The following STEEP1 variants were observed in gnomAD, a reference collection of about 807,000 sequenced individuals.
STEEP1 encodes the protein STING1 ER exit protein 1.
In STEEP1, 3 loss-of-function variants were observed where a neutral mutation model predicts 19.2. The observed-to-expected ratio is 0.16, with a 90% CI of 0.07 to 0.40. The LOEUF is 0.40. Ranked by LOEUF, STEEP1 falls within the 10% of genes least tolerant of loss-of-function variation. STEEP1 has a pLI of 0.99. For synonymous variants in STEEP1, 46 were observed against 63.7 expected, an observed-to-expected ratio of 0.72 and a Z score of 1.32; for missense variants, 54 against 177.1, an observed-to-expected ratio of 0.30 and a Z score of 3.94.
intron 3 of STEEP1, 105 bp downstream of exon 3, chrX:119,545,352 CAAAAAA>C: frequency 2.7e-6 from 1 of 372,863 alleles, no homozygotes. Flanking sequence ...GACTCTGTCT[CAAAAAA>C]AAAAAAAAAG....
rs2053187877 is a variant in STEEP1 at position 119,544,552 on chromosome X, T to A, written c.285-61A>T. The stretch of plus-strand genomic sequence containing the variant: ...AATCCAAATTCCCAAAACAGCAATT[T>A]GCAAAGTGTGCTTAGACTCTGGGAA... On this transcript the variant is annotated intron_variant, in intron 3 of 6. Transcript: ENST00000644802. 7.4e-6 allele frequency: 8 copies of A among 1,075,062 alleles called. 1 individual carries two copies. In the South Asian group the frequency reaches 1.6e-4, roughly 21 times the overall value. 88.6% of individuals were successfully genotyped at this position (1,075,062 alleles called of 1,213,427 possible). A position where few individuals can be genotyped will look rare whatever the true frequency, so the allele number is the denominator to read the frequency against.
intron 4 of STEEP1, among the ~76,000 whole-genome samples, chrX:119,544,001 A>T (rs914930793): frequency 3.6e-5 from 4 of 111,253 alleles, no homozygotes; most frequent in African/African-American, 1.3e-4. Flanking sequence ...TATACACAAA[A>T]ATGGCACCCG....
intron 2 of STEEP1, among the ~76,000 whole-genome samples, chrX:119,551,999 C>G (rs141779385): frequency 0.045 from 4,807 of 107,876 alleles, 96 homozygotes; most frequent in South Asian, 0.096. Context: ...CTCCCAGGTT[C>G]AAGCGATTCT....
chrX:119,540,677 T>G (rs771348693), intron 6 of STEEP1, among the ~76,000 whole-genome samples: 1 of 112,587 alleles, frequency 8.9e-6, no homozygotes, highest in African/African-American at 3.2e-5. Flanking sequence ...CCCTATCATG[T>G]GCCATTACAT....
At chrX:119,556,436 A>T (rs902468940) in intron 2 of STEEP1, among the ~76,000 whole-genome samples, 1 of 110,264 alleles carries the variant, frequency 9.1e-6, no homozygotes, top group Admixed American at 9.8e-5. Context: ...ACAAAAAATT[A>T]GCCGGGCGTG....
At chrX:119,542,055 C>CTTTTTTTTTTTTTTTTTTTTTTTTTTTT (rs201339708) in intron 5 of STEEP1, among the ~76,000 whole-genome samples, 2 of 82,908 alleles carry the variant, frequency 2.4e-5, no homozygotes, top group African/African-American at 4.9e-5. Context: ...CTTTTCTTTT[C>CTTTTTTTTTTTTTTTTTTTTTTTTTTTT]TTTTTTTTTT....
At chrX:119,555,822 G>A (rs1168945039) in intron 2 of STEEP1, among the ~76,000 whole-genome samples, 10 of 111,189 alleles carry the variant, frequency 9.0e-5, no homozygotes, top group Admixed American at 7.7e-4. Flanking sequence ...GGATGGTGGG[G>A]ACAGATGAGA....
intron 2 of STEEP1, among the ~76,000 whole-genome samples, chrX:119,557,478 C>CAAAAA (rs55913451): frequency 2.9e-5 from 2 of 68,966 alleles, no homozygotes; most frequent in Non-Finnish European, 5.1e-5. Context: ...CACACCATCT[C>CAAAAA]AAAAAAAAAA....
chrX:119,565,326 G>A lies in STEEP1; in HGVS notation c.30C>T (p.Val10=). 1.9e-5 allele frequency: 23 copies of A among 1,208,082 alleles called. No homozygotes were observed. The highest frequency in any genetic ancestry group is 2.6e-5 in the Non-Finnish European group (23 of 892,751). MPKVVSRSV[V]CSDTRDREEY... ...CCTCCCGGTCCCGAGTGTCAGAGCAGACTACTGACCGAGACACTACTTTCG... is the reference window on the plus strand; with the variant it reads ...CCTCCCGGTCCCGAGTGTCAGAGCAAACTACTGACCGAGACACTACTTTCG... Residue 10 remains valine, a synonymous_variant, in exon 1 of 7, where the codon GTC becomes GTT. Transcript: ENST00000644802.
intron 2 of STEEP1, among the ~76,000 whole-genome samples, chrX:119,546,263 A>C (rs953113441): frequency 9.1e-6 from 1 of 109,466 alleles, no homozygotes; most frequent in African/African-American, 3.3e-5. Flanking sequence ...CAACATGGGG[A>C]AACTCCGTCT....
chrX:119,548,029 G>A (rs1395999573), intron 2 of STEEP1, among the ~76,000 whole-genome samples: 1 of 109,671 alleles, frequency 9.1e-6, no homozygotes, highest in Non-Finnish European at 1.9e-5. Flanking sequence ...AAAATTAGCT[G>A]GGTGTTGTGA....
At chrX:119,553,832 TAATCTTCAAGTACC>T (rs2053260773) in intron 2 of STEEP1, among the ~76,000 whole-genome samples, 1 of 111,969 alleles carries the variant, frequency 8.9e-6, no homozygotes, top group South Asian at 3.7e-4. Context: ...CTCAATGAGT[TAATCTTCAAGTACC>T]AATGACAAAC....
Position 119,542,997 on chromosome X carries a change from C to CAAAAAAAAAA in STEEP1, c.424-413_424-404dup, listed in dbSNP as rs60574433. On this transcript the variant is annotated intron_variant, in intron 4 of 6. Transcript: ENST00000644802. ...ACATTTTTGTAGAGACTGGGTCTCG[C>CAAAAAAAAAA]AAAAAAAAAAAAAAAAAAAAAAAAA... Among the ~76,000 whole-genome samples, 185 of 47,895 alleles carry CAAAAAAAAAA rather than the reference C, an allele frequency of 3.9e-3. 1 individual carries two copies. Among genetic ancestry groups the CAAAAAAAAAA allele is most frequent in the Non-Finnish European group, 5.7e-3 (158 of 27,512 alleles). 41.6% of individuals were successfully genotyped at this position (47,895 alleles called of 115,157 possible).
chrX:119,556,622 G>A (rs921211963), intron 2 of STEEP1, among the ~76,000 whole-genome samples: 9 of 108,539 alleles, frequency 8.3e-5, no homozygotes, highest in Non-Finnish European at 1.5e-4. Flanking sequence ...GGTGCTGAGC[G>A]AATCGATCTG....
intron 2 of STEEP1, among the ~76,000 whole-genome samples, chrX:119,551,900 C>CT (rs58576371): frequency 7.8e-4 from 71 of 91,455 alleles, no homozygotes; most frequent in Admixed American, 3.6e-3. Flanking sequence ...GCTTCCAAAA[C>CT]TTTTTTTTTT....
intron 4 of STEEP1, among the ~76,000 whole-genome samples, chrX:119,543,401 G>A (rs905934803): frequency 5.7e-5 from 6 of 104,882 alleles, no homozygotes; most frequent in Non-Finnish European, 1.2e-4. Flanking sequence ...TTGTCGGGCC[G>A]GTCTCGAACT....
intron 1 of STEEP1, among the ~76,000 whole-genome samples, chrX:119,564,885 C>T (rs1308309052): frequency 9.0e-6 from 1 of 111,511 alleles, no homozygotes; most frequent in Non-Finnish European, 1.9e-5. Flanking sequence ...GCAACTGCAG[C>T]ATCTTGGTAT....
chrX:119,549,146 A>G (rs1446585546), intron 2 of STEEP1, among the ~76,000 whole-genome samples: 1 of 111,617 alleles, frequency 9.0e-6, no homozygotes, highest in East Asian at 2.8e-4. Context: ...AGTTTTGGAG[A>G]TCTAATGTAC....
At chrX:119,556,444 G>A (rs959034274) in intron 2 of STEEP1, among the ~76,000 whole-genome samples, 1 of 110,167 alleles carries the variant, frequency 9.1e-6, no homozygotes, top group Non-Finnish European at 1.9e-5. Flanking sequence ...TTAGCCGGGC[G>A]TGGTTGCAGG....
Sources: allele counts gnomAD v4.1 joint callset (sites outside exome capture counted in the v4.1 genomes callset), GRCh38; gene constraint gnomAD v4.1.1; transcripts MANE v1.5; gene names NCBI Gene and HGNC (gene_info 2026-07-23, HGNC 2026-07-21).